Variants in NRCAM observed in about 807,000 individuals in gnomAD.
NRCAM encodes the protein NgCAM-related cell adhesion molecule.
In NRCAM, 83 loss-of-function variants were observed where a neutral mutation model predicts 156.5. The ratio of observed to expected loss-of-function variants is 0.53; its 90% CI spans 0.44 to 0.64. The LOEUF (loss-of-function observed/expected upper bound fraction) is 0.64. Ranked by LOEUF, NRCAM falls within the 30% of genes least tolerant of loss-of-function variation. The probability of loss-of-function intolerance (pLI) is 0.00; values close to 1 mark genes in which losing one functional copy is unlikely to be tolerated. For synonymous variants in NRCAM, 538 were observed against 563.9 expected (o/e 0.95, Z 0.65); for missense variants, 1,417 against 1,597.3 (o/e 0.89, Z 1.92).
intron 3 of NRCAM, among the ~76,000 whole-genome samples, chr7:108,277,467 C>G (rs1009247084): frequency 1.3e-5 from 2 of 151,904 alleles, no homozygotes; most frequent in Non-Finnish European, 2.9e-5. Context: ...CTTGTCTTCT[C>G]GCTTTATTTC....
intron 1 of NRCAM, among the ~76,000 whole-genome samples, chr7:108,412,224 C>T (rs1299354248): frequency 6.6e-6 from 1 of 150,568 alleles, no homozygotes; most frequent in African/African-American, 2.4e-5. Flanking sequence ...TAAGCCAAAG[C>T]ATGAGCAACT....
intron 4 of NRCAM, among the ~76,000 whole-genome samples, chr7:108,238,824 T>C (rs2095326965): frequency 6.6e-6 from 1 of 152,242 alleles, no homozygotes; most frequent in South Asian, 2.1e-4. Flanking sequence ...CTGCATTTTA[T>C]TGAACTTTAT....
At chr7:108,439,778 A>C (rs781420854) in intron 1 of NRCAM, among the ~76,000 whole-genome samples, 12 of 142,932 alleles carry the variant, frequency 8.4e-5, no homozygotes, top group Admixed American at 4.4e-4. Context: ...GGTTGCAGTA[A>C]GCCGAGATTG....
intron 3 of NRCAM, among the ~76,000 whole-genome samples, chr7:108,298,102 T>C (rs1017188720): frequency 6.6e-6 from 1 of 152,158 alleles, no homozygotes; most frequent in Non-Finnish European, 1.5e-5. Context: ...TAAAACACTT[T>C]ATAATCTGGA....
At chr7:108,287,822 A>T (rs1451395731) in intron 3 of NRCAM, among the ~76,000 whole-genome samples, 3 of 152,096 alleles carry the variant, frequency 2.0e-5, no homozygotes, top group Non-Finnish European at 2.9e-5. Context: ...TTTTGCAAGG[A>T]ACTAAAAATA....
At chr7:108,219,201 A>T (rs992272726) in intron 11 of NRCAM, among the ~76,000 whole-genome samples, 3 of 151,944 alleles carry the variant, frequency 2.0e-5, no homozygotes, top group Non-Finnish European at 4.4e-5. Flanking sequence ...AAGCAGCAAG[A>T]TCAAAATAGT....
chr7:108,231,224 A>G (rs1318856594), intron 7 of NRCAM, 71 bp from the exon 8 acceptor site: 1 of 1,130,636 alleles, frequency 8.8e-7, no homozygotes, highest in African/African-American at 1.6e-5. Context: ...CCTACAAATA[A>G]AGGCAAACTG....
At chr7:108,256,126 A>G (rs2096648903) in intron 3 of NRCAM, among the ~76,000 whole-genome samples, 1 of 152,286 alleles carries the variant, frequency 6.6e-6, no homozygotes, top group Admixed American at 6.5e-5. Flanking sequence ...TGGGAGGTGT[A>G]CCCAACAGCT....
intron 11 of NRCAM, among the ~76,000 whole-genome samples, chr7:108,215,212 ATT>A (rs71137615): frequency 1.4e-4 from 18 of 126,508 alleles, no homozygotes; most frequent in African/African-American, 3.3e-4. Context: ...GTGTCCCACT[ATT>A]TTTTTTTTTT....
At chr7:108,387,598 G>T (rs2395965) in intron 2 of NRCAM, among the ~76,000 whole-genome samples, 29,718 of 151,786 alleles carry the variant, frequency 0.2, 3,535 homozygotes, top group South Asian at 0.37. Context: ...AAGTTCTAGG[G>T]TACATGTGCA....
intron 30 of NRCAM, among the ~76,000 whole-genome samples, chr7:108,161,373 A>T (rs2048844222): frequency 6.6e-6 from 1 of 152,228 alleles, no homozygotes; most frequent in Non-Finnish European, 1.5e-5. Flanking sequence ...AAACCACAGA[A>T]TAATGAGCAT....
intron 3 of NRCAM, among the ~76,000 whole-genome samples, chr7:108,306,486 C>A (rs2098716911): frequency 1.3e-5 from 2 of 152,322 alleles, no homozygotes; most frequent in South Asian, 4.1e-4. Context: ...TATGGCTGAA[C>A]CTTCTCACAT....
At chr7:108,204,870 A>G (rs763539998) in intron 13 of NRCAM, among the ~76,000 whole-genome samples, 15 of 152,168 alleles carry the variant, frequency 9.9e-5, no homozygotes, top group Non-Finnish European at 2.1e-4. Context: ...TTAGGGTTAC[A>G]AGAGGAACTA....
chr7:108,328,163 A>C (rs1315927285), intron 2 of NRCAM, among the ~76,000 whole-genome samples: 1 of 152,200 alleles, frequency 6.6e-6, no homozygotes, highest in Non-Finnish European at 1.5e-5. Context: ...TTGCCCCACG[A>C]AAGTTCCTCT....
chr7:108,364,021 A>G (rs1207793392), intron 2 of NRCAM, among the ~76,000 whole-genome samples: 1 of 152,236 alleles, frequency 6.6e-6, no homozygotes, highest in Non-Finnish European at 1.5e-5. Flanking sequence ...TATACAGTTA[A>G]TAATAATGTA....
intron 1 of NRCAM, among the ~76,000 whole-genome samples, chr7:108,420,792 C>T (rs967616383): frequency 6.6e-5 from 10 of 152,214 alleles, no homozygotes; most frequent in African/African-American, 2.4e-4. Flanking sequence ...GGCTCATGCC[C>T]TTACTTTTAC....
rs981971494 is a variant in NRCAM, at chr7:108,431,810, A to G, written c.-332+24433T>C. 2.0e-5 allele frequency among the ~76,000 whole-genome samples: 3 copies of G among 152,206 alleles called. 1 individual carries two copies. Among genetic ancestry groups the G allele is most frequent in the Admixed American group, 1.3e-4 (2 of 15,284 alleles). ...AAACAAATAAAAATACACAGGTTATATATTTTTAAAAGCATAACCCAAAAT... is the reference window on the plus strand; with the variant it reads ...AAACAAATAAAAATACACAGGTTATGTATTTTTAAAAGCATAACCCAAAAT... On this transcript the variant is annotated intron_variant, in intron 1 of 32. Coordinates refer to ENST00000379028, the MANE Select transcript of NRCAM (RefSeq NM_001037132.4).
intron 1 of NRCAM, among the ~76,000 whole-genome samples, chr7:108,420,789 G>A (rs1024475602): frequency 2.0e-5 from 3 of 152,178 alleles, no homozygotes; most frequent in Non-Finnish European, 4.4e-5. Context: ...GATGGCTCAT[G>A]CCCTTACTTT....
intron 3 of NRCAM, among the ~76,000 whole-genome samples, chr7:108,265,063 A>T (rs1209009768): frequency 1.3e-5 from 2 of 152,182 alleles, no homozygotes; most frequent in Non-Finnish European, 1.5e-5. Flanking sequence ...CAGCTCATGG[A>T]GCCCCACCTT....
Sources: gnomAD v4.1 joint callset for allele counts (sites outside exome capture counted in the v4.1 genomes callset) on GRCh38, gnomAD v4.1.1 for gene constraint, MANE v1.5 for transcripts, NCBI Gene and HGNC (gene_info 2026-07-23, HGNC 2026-07-21) for gene names.